ZNF696: variants seen among roughly 807,000 people sequenced by gnomAD.
The protein encoded by ZNF696 is zinc finger protein 696.
A neutral mutation model predicts 12.3 loss-of-function variants in ZNF696; 10 were observed. The ratio of observed to expected loss-of-function variants is 0.81; its 90% CI spans 0.50 to 1.38. ZNF696 has a LOEUF of 1.38. ZNF696 is among the 40% of genes most tolerant of loss of function. The pLI is 0.00. For missense variants in ZNF696, 675 were observed against 554.7 expected (o/e 1.22, Z -2.18); for synonymous variants, 304 against 243.9 (o/e 1.25, Z -2.29).
intron 2 of ZNF696, 158 bp from the exon 3 acceptor site, chr8:143,295,580 TAA>T: frequency 1.2e-6 from 1 of 825,924 alleles, no homozygotes; most frequent in Non-Finnish European, 1.9e-6. Context: ...AGAAAAAAAC[TAA>T]AAAAAACGAG....
In ZNF696 at chr8:143,297,016, C is replaced by T. The variant is rs933353615; in HGVS notation, c.*216C>T. On this transcript the variant is annotated 3_prime_UTR_variant, in exon 3 of 3. Transcript: ENST00000330143. Reference sequence around the variant, plus strand: ...GAAGGCGAGCGCTGCCCGCGGGAGGCGATTCCCAGAGGCGGGGAGGTCTCA... The same window carrying T: ...GAAGGCGAGCGCTGCCCGCGGGAGGTGATTCCCAGAGGCGGGGAGGTCTCA... 3.8e-5 allele frequency: 18 copies of T among 473,080 alleles called. No homozygotes were observed. The highest frequency in any genetic ancestry group is 8.9e-5 in the Admixed American group (2 of 22,390). 29.3% of individuals were successfully genotyped at this position (473,080 alleles called of 1,614,324 possible).
In ZNF696 at chr8:143,296,134, C is replaced by G. The variant is rs998432953; in HGVS notation, c.459C>G (p.Tyr153Ter). 3.7e-6 allele frequency: 6 copies of G among 1,609,504 alleles called. No homozygotes were observed. The highest frequency in any genetic ancestry group is 4.2e-6 in the Non-Finnish European group (5 of 1,178,704). ...HRSIHSGEKPYECSDCGKAFI... is the reference protein window; with the variant it reads ...HRSIHSGEKP The stretch of plus-strand genomic sequence containing the variant: ...GCATCCACTCGGGGGAGAAACCGTA[C>G]GAGTGCAGCGACTGCGGGAAGGCCT... The change falls in exon 3 of 3, where the codon TAC (tyrosine) becomes TAG (stop). Residue 153 changes from tyrosine (Y) to a stop codon, truncating the protein, a stop_gained. Coordinates refer to ENST00000330143, the MANE Select transcript of ZNF696 (RefSeq NM_030895.3). LOFTEE classifies it high-confidence loss of function.
At chr8:143,294,806 A>C (rs921542359) in intron 2 of ZNF696, among the ~76,000 whole-genome samples, 1 of 151,296 alleles carries the variant, frequency 6.6e-6, no homozygotes, top group South Asian at 2.1e-4. Flanking sequence ...AGCTGGGGCC[A>C]TGGCTGGGTG....
At chr8:143,291,908 C>A in intron 1 of ZNF696, 141 bp downstream of exon 1, 1 of 456,906 alleles carries the variant, frequency 2.2e-6, no homozygotes, top group Non-Finnish European at 2.9e-6. Context: ...CTCAGCCTCC[C>A]TGGCAGGCGG....
intron 1 of ZNF696, chr8:143,292,092 G>C (rs886478586): frequency 6.6e-6 from 1 of 151,860 alleles, no homozygotes; most frequent in Non-Finnish European, 1.5e-5. Flanking sequence ...CTAGTAGCTG[G>C]GACTACAGAC....
chr8:143,293,740 A>G (rs1293066472), intron 2 of ZNF696, among the ~76,000 whole-genome samples: 1 of 152,200 alleles, frequency 6.6e-6, no homozygotes, highest in Non-Finnish European at 1.5e-5. Flanking sequence ...AATACCTTTG[A>G]GTCAGTTCTT....
Position 143,296,230 on chromosome 8 carries a change from G to A in ZNF696, c.555G>A (p.Glu185=). 6.3e-7 allele frequency: 1 copy of A among 1,595,506 alleles called. No homozygotes were observed. The change falls in exon 3 of 3, where the codon GAG becomes GAA. Residue 185 remains glutamate, a synonymous_variant. Transcript: ENST00000330143. The part of the protein sequence containing the change: ...HSGERPYACA[E]CGKAFGQSFN... ...GGGAGAGGCCCTACGCGTGCGCCGA[G>A]TGCGGCAAGGCCTTCGGCCAGAGCT...
chr8:143,291,900 C>A, intron 1 of ZNF696, 133 bp downstream of exon 1: 1 of 507,102 alleles, frequency 2.0e-6, no homozygotes. Context: ...TCCTCCCGCT[C>A]AGCCTCCCTG....
chr8:143,298,741 C>A lies in ZNF696; in HGVS notation c.*1941C>A, dbSNP rs1357565277. On this transcript the variant is annotated 3_prime_UTR_variant, in exon 3 of 3. Coordinates refer to ENST00000330143, the MANE Select transcript of ZNF696 (RefSeq NM_030895.3). ...GTACATACTGTCACGCATGAATAGG[C>A]AGGACTCCTTAAAGAACTTTTGGAA... 6.6e-6 allele frequency among the ~76,000 whole-genome samples: 1 copy of A among 152,158 alleles called. No individual in the cohort carries two copies. The highest frequency in any genetic ancestry group is 1.5e-5 in the Non-Finnish European group (1 of 68,026).
At chr8:143,292,533 T>C (rs966882811) in intron 1 of ZNF696, among the ~76,000 whole-genome samples, 1 of 152,156 alleles carries the variant, frequency 6.6e-6, no homozygotes, top group Non-Finnish European at 1.5e-5. Flanking sequence ...TCCAAAACTT[T>C]ACCATTCAAA....
Position 143,298,430 on chromosome 8 carries a change from A to G in ZNF696, c.*1630A>G, listed in dbSNP as rs1815754273. Among the ~76,000 whole-genome samples, 1 of 152,112 alleles carries G rather than the reference A, an allele frequency of 6.6e-6. No individual in the cohort carries two copies. ...GTGGGAAGATGAGCCTGTGTCTCCC[A>G]TGCTGAGCCAAGATCCTCAGGTACC... On this transcript the variant is annotated 3_prime_UTR_variant, in exon 3 of 3. Transcript: ENST00000330143.
chr8:143,295,654 A>C (rs1276853368), intron 2 of ZNF696, 86 bp from the exon 3 acceptor site: 13 of 1,371,458 alleles, frequency 9.5e-6, no homozygotes, highest in Non-Finnish European at 1.3e-5. Flanking sequence ...CATCACTGTC[A>C]CTCTGTCGTC....
intron 2 of ZNF696, among the ~76,000 whole-genome samples, chr8:143,294,386 TTTTC>T (rs1356611895): frequency 7.4e-5 from 9 of 120,884 alleles, no homozygotes; most frequent in Admixed American, 2.0e-4. Context: ...ATTTCTTTTC[TTTTC>T]TTTTTTTTTT....
rs1254745212 is a variant in ZNF696 at position 143,296,806 on chromosome 8, G to A, written c.*6G>A. 2.9e-6 allele frequency: 4 copies of A among 1,389,276 alleles called. No homozygotes were observed. Among genetic ancestry groups the A allele is most frequent in the African/African-American group, 1.5e-5 (1 of 65,230 alleles). The allele number at this position is 1,389,276 out of a possible 1,614,324, so 86.1% of individuals were successfully genotyped here. On this transcript the variant is annotated 3_prime_UTR_variant, in exon 3 of 3. Coordinates refer to ENST00000330143, the MANE Select transcript of ZNF696 (RefSeq NM_030895.3). ...GGGTGCATGGCGCCGAGTGAGCCGGGGCTGCGGCGGAAGAGATGCCGGCGG... is the reference window on the plus strand; with the variant it reads ...GGGTGCATGGCGCCGAGTGAGCCGGAGCTGCGGCGGAAGAGATGCCGGCGG...
Position 143,297,867 on chromosome 8 carries a change from TAC to T in ZNF696, c.*1073_*1074del, listed in dbSNP as rs1261889078. ...GCTGGTTGGTGTGGAGGGAAAGGCT[TAC>T]ACACATGTGATTTCAGAAGCGTTCT... On this transcript the variant is annotated 3_prime_UTR_variant, in exon 3 of 3. Transcript: ENST00000330143. 6.6e-6 allele frequency: 1 copy of T among 152,070 alleles called. No individual in the cohort carries two copies. The highest frequency in any genetic ancestry group is 2.4e-5 in the African/African-American group (1 of 41,364). The allele number at this position is 152,070 out of a possible 1,614,324, so 9.4% of individuals were successfully genotyped here.
At chr8:143,292,934 T>G (rs750899966) in intron 1 of ZNF696, 38 bp from the exon 2 acceptor site, 1 of 1,569,024 alleles carries the variant, frequency 6.4e-7, no homozygotes, top group Admixed American at 1.9e-5. Flanking sequence ...TACCTAGCCC[T>G]GGCTGTGATT....
chr8:143,295,518 G>A (rs1434799308), intron 2 of ZNF696: 1 of 697,728 alleles, frequency 1.4e-6, no homozygotes, highest in East Asian at 2.7e-5. Flanking sequence ...TGGAGTGGCA[G>A]TGCAGGATTC....
intron 2 of ZNF696, 166 bp from the exon 3 acceptor site, chr8:143,295,574 A>G (rs1815694101): frequency 3.8e-6 from 3 of 785,168 alleles, no homozygotes; most frequent in East Asian, 2.7e-5. Context: ...GGGAGGAGAA[A>G]AAAACTAAAA....
intron 2 of ZNF696, among the ~76,000 whole-genome samples, chr8:143,293,571 C>T (rs1212826847): frequency 6.6e-6 from 1 of 152,170 alleles, no homozygotes; most frequent in Non-Finnish European, 1.5e-5. Context: ...GTCACAGCAA[C>T]AGCCCGGGAG....
Sources: gnomAD v4.1 joint callset for allele counts (sites outside exome capture counted in the v4.1 genomes callset) on GRCh38, gnomAD v4.1.1 for gene constraint, MANE v1.5 for transcripts, NCBI Gene and HGNC (gene_info 2026-07-23, HGNC 2026-07-21) for gene names.